The following NOL4 variants were observed in gnomAD, a reference collection of about 807,000 sequenced individuals.
NOL4 encodes the protein cancer/testis antigen 125.
A neutral mutation model predicts 75.9 loss-of-function variants in NOL4; 17 were observed. The ratio of observed to expected loss-of-function variants is 0.22; its 90% CI spans 0.15 to 0.34. The LOEUF (loss-of-function observed/expected upper bound fraction) is 0.34. Among genes scored for constraint, NOL4 ranks in the 10% least tolerant of loss-of-function variants. NOL4 has a pLI of 1.00. For missense variants in NOL4, 614 were observed against 793.5 expected (o/e 0.77, Z 2.72); for synonymous variants, 292 against 289.9 (o/e 1.01, Z -0.07).
chr18:34,082,697 A>G (rs1213012964), intron 5 of NOL4, among the ~76,000 whole-genome samples: 1 of 152,156 alleles, frequency 6.6e-6, no homozygotes, highest in Non-Finnish European at 1.5e-5. Context: ...TCAGTGCACT[A>G]AACTCCACTG....
chr18:34,206,993 T>C (rs2036167720), intron 1 of NOL4, among the ~76,000 whole-genome samples: 1 of 152,138 alleles, frequency 6.6e-6, no homozygotes, highest in Non-Finnish European at 1.5e-5. Context: ...ATCTCCATTC[T>C]ACTTTTGAGC....
chr18:33,970,919 T>A (rs2071005206), intron 6 of NOL4, among the ~76,000 whole-genome samples: 1 of 152,142 alleles, frequency 6.6e-6, no homozygotes, highest in Admixed American at 6.6e-5. Context: ...CTGCTATGAG[T>A]TTATGTCATG....
chr18:34,037,610 T>C (rs2144751204), intron 5 of NOL4, among the ~76,000 whole-genome samples: 1 of 152,110 alleles, frequency 6.6e-6, no homozygotes, highest in African/African-American at 2.4e-5. Context: ...AATAAATCTT[T>C]ATATTTACAC....
intron 4 of NOL4, among the ~76,000 whole-genome samples, chr18:34,100,370 C>T (rs1404504509): frequency 6.6e-6 from 1 of 152,128 alleles, no homozygotes; most frequent in African/African-American, 2.4e-5. Flanking sequence ...CTACCTCTTT[C>T]CCCTGCTCCC....
intron 10 of NOL4, among the ~76,000 whole-genome samples, chr18:33,861,470 T>C (rs9709727): frequency 0.78 from 119,071 of 152,026 alleles, 46,773 homozygotes; most frequent in African/African-American, 0.85. Flanking sequence ...TCTGTGGGAT[T>C]GGTGGTGATA....
intron 10 of NOL4, among the ~76,000 whole-genome samples, chr18:33,875,732 TATC>T (rs35528259): frequency 0.16 from 24,309 of 151,924 alleles, 2,363 homozygotes; most frequent in East Asian, 0.37. Context: ...TTCCTTTTGA[TATC>T]ATTCTATTTT....
intron 7 of NOL4, 70 bp downstream of exon 7, chr18:33,958,169 T>G: frequency 7.4e-7 from 1 of 1,358,872 alleles, no homozygotes; most frequent in Non-Finnish European, 1.0e-6. Context: ...TATCCACATT[T>G]ACCAACAAGC....
intron 1 of NOL4, among the ~76,000 whole-genome samples, chr18:34,208,285 T>C (rs1334095056): frequency 6.6e-6 from 1 of 152,068 alleles, no homozygotes; most frequent in Non-Finnish European, 1.5e-5. Flanking sequence ...GGATTGTTCA[T>C]AGTGAGCTTA....
At chr18:34,137,244 C>T (rs1016733603) in intron 1 of NOL4, among the ~76,000 whole-genome samples, 2 of 151,984 alleles carry the variant, frequency 1.3e-5, no homozygotes, top group African/African-American at 2.4e-5. Flanking sequence ...GCAAAGTCCT[C>T]ATAACTGTCA....
chr18:34,081,743 G>GGCA (rs2078020731), intron 5 of NOL4, among the ~76,000 whole-genome samples: 1 of 152,056 alleles, frequency 6.6e-6, no homozygotes, highest in African/African-American at 2.4e-5. Flanking sequence ...AGCCAAAGAG[G>GGCA]GCAGCCACAT....
Position 33,953,251 on chromosome 18 carries a change from C to A in NOL4, c.1428+4075G>T, listed in dbSNP as rs556243131. Among the ~76,000 whole-genome samples, 9 of 75,758 alleles carry A rather than the reference C, an allele frequency of 1.2e-4. No homozygotes were observed. In the South Asian group the frequency reaches 2.7e-3, roughly 23 times the overall value. 49.7% of individuals were successfully genotyped at this position (75,758 alleles called of 152,430 possible). A position where few individuals can be genotyped will look rare whatever the true frequency, so the allele number is the denominator to read the frequency against. ...TTTTGTGTAGGATATTTTTAAACTG[C>A]AAATACACATTCATTTTTTCTACCT... On this transcript the variant is annotated intron_variant, in intron 8 of 10. Transcript: ENST00000261592.
At chr18:33,921,663 T>C (rs370933057) in intron 9 of NOL4, among the ~76,000 whole-genome samples, 44 of 152,280 alleles carry the variant, frequency 2.9e-4, no homozygotes, top group African/African-American at 9.4e-4. Context: ...GATCCTCCCC[T>C]AGAGGTTTTT....
intron 10 of NOL4, among the ~76,000 whole-genome samples, chr18:33,883,005 A>G (rs2064391070): frequency 6.6e-6 from 1 of 152,072 alleles, no homozygotes; most frequent in South Asian, 2.1e-4. Flanking sequence ...GAATTGAACA[A>G]TGAGAACACA....
At chr18:34,092,288 C>T (rs183950354) in intron 5 of NOL4, among the ~76,000 whole-genome samples, 11 of 152,052 alleles carry the variant, frequency 7.2e-5, no homozygotes, top group African/African-American at 2.2e-4. Context: ...ATAATATTTC[C>T]AAATAAATTG....
intron 5 of NOL4, among the ~76,000 whole-genome samples, chr18:34,024,194 A>ATATATATATATATATATATATATATAT (rs1555696186): frequency 1.2e-3 from 84 of 70,614 alleles, no homozygotes; most frequent in Non-Finnish European, 1.4e-3. Context: ...AAAAAAAAAA[A>ATATATATATATATATATATATATATAT]ATATATATAT....
intron 5 of NOL4, among the ~76,000 whole-genome samples, chr18:34,032,479 C>T (rs2144674394): frequency 6.6e-6 from 1 of 152,322 alleles, no homozygotes. Flanking sequence ...CACCACTGCA[C>T]ATGAACACTC....
At chr18:33,897,652 T>G (rs1004869652) in intron 9 of NOL4, among the ~76,000 whole-genome samples, 2 of 151,990 alleles carry the variant, frequency 1.3e-5, no homozygotes, top group Non-Finnish European at 2.9e-5. Flanking sequence ...AGATAACTAT[T>G]GGGTACTGGG....
chr18:34,117,946 T>C (rs55738079), intron 2 of NOL4, among the ~76,000 whole-genome samples: 33,718 of 152,126 alleles, frequency 0.22, 3,943 homozygotes, highest in Middle Eastern at 0.28. Context: ...AATCAAAAGA[T>C]TTATCAACCA....
At chr18:34,159,263 C>G (rs2031031844) in intron 1 of NOL4, among the ~76,000 whole-genome samples, 1 of 152,194 alleles carries the variant, frequency 6.6e-6, no homozygotes, top group South Asian at 2.1e-4. Context: ...AGCAGTGCTC[C>G]CAACCCGCGA....
Sources: gnomAD v4.1 joint callset for allele counts (sites outside exome capture counted in the v4.1 genomes callset) on GRCh38, gnomAD v4.1.1 for gene constraint, MANE v1.5 for transcripts, NCBI Gene and HGNC (gene_info 2026-07-23, HGNC 2026-07-21) for gene names.